Variants in RETREG1 observed in about 807,000 individuals in gnomAD.
RETREG1 encodes reticulophagy regulator 1.
RETREG1 carries 44 observed loss-of-function variants against 54.8 expected under a neutral mutation model. That is an observed-to-expected ratio of 0.80 (90% CI 0.63 to 1.03). RETREG1 has a LOEUF of 1.03. Ranked by LOEUF, RETREG1 falls within the 50% of genes least tolerant of loss-of-function variation. RETREG1 has a pLI of 0.00. For missense variants in RETREG1, 554 were observed against 605.1 expected, an observed-to-expected ratio of 0.92 and a Z score of 0.89; for synonymous variants, 217 against 238.5, an observed-to-expected ratio of 0.91 and a Z score of 0.83.
At chr5:16,495,289 C>G (rs1739408564) in intron 3 of RETREG1, among the ~76,000 whole-genome samples, 1 of 152,108 alleles carries the variant, frequency 6.6e-6, no homozygotes, top group Non-Finnish European at 1.5e-5. Context: ...AAGAAAAGCC[C>G]ATTTTTAGGG....
At chr5:16,520,799 A>C (rs1209725149) in intron 3 of RETREG1, among the ~76,000 whole-genome samples, 1 of 152,182 alleles carries the variant, frequency 6.6e-6, no homozygotes. Flanking sequence ...GTCTGTGAGA[A>C]ACAATTTGCC....
At chr5:16,583,796 C>T (rs1485038587) in intron 1 of RETREG1, among the ~76,000 whole-genome samples, 1 of 152,094 alleles carries the variant, frequency 6.6e-6, no homozygotes, top group Non-Finnish European at 1.5e-5. Context: ...ACAGCTAAAA[C>T]ATATTTTTTT....
Position 16,474,914 on chromosome 5 carries a change from G to T in RETREG1, c.1321C>A (p.Pro441Thr), listed in dbSNP as rs909827415. 1.9e-6 allele frequency: 3 copies of T among 1,613,730 alleles called. No individual in the cohort carries two copies. Among genetic ancestry groups the T allele is most frequent in the Non-Finnish European group, 1.7e-6 (2 of 1,179,886 alleles). The change falls in exon 9 of 9, where the codon CCC (proline) becomes ACC (threonine). Residue 441 changes from proline to threonine, a missense_variant. This residue lies in a region of RETREG1 where 347 missense variants were observed against 412.3 expected (regional missense o/e 0.84). Coordinates refer to ENST00000306320, the MANE Select transcript of RETREG1 (RefSeq NM_001034850.3). ...GVQQALSQAA[P>T]IPEEDTDTEE... ...GTGTCTGTGTCCTCTTCTGGGATGG[G>T]GGCAGCCTGAGAAAGTGCTTGCTGC...
chr5:16,489,082 C>CAAAA lies in RETREG1; in HGVS notation c.459-5614_459-5611dup, dbSNP rs567475517. ...TGGGCAACAGAGCGAGATTCTGTCTCAAAAAAAAAAAAAAAAAAAAAAAAA... is the reference window on the plus strand; with the variant it reads ...TGGGCAACAGAGCGAGATTCTGTCTCAAAAAAAAAAAAAAAAAAAAAAAAAAAAA... On this transcript the variant is annotated intron_variant, in intron 3 of 8. Transcript: ENST00000306320. 6.3e-3 allele frequency among the ~76,000 whole-genome samples: 395 copies of CAAAA among 62,964 alleles called. 29 individuals are homozygous for CAAAA. The highest frequency in any genetic ancestry group is 0.01 in the Non-Finnish European group (353 of 35,298). 41.3% of individuals were successfully genotyped at this position (62,964 alleles called of 152,430 possible).
chr5:16,535,893 G>A (rs1484807527), intron 3 of RETREG1, among the ~76,000 whole-genome samples: 1 of 144,564 alleles, frequency 6.9e-6, no homozygotes, highest in African/African-American at 2.6e-5. Context: ...CTGTGTGCAC[G>A]CTGCCTTCAC....
chr5:16,582,010 C>T (rs988439589), intron 1 of RETREG1, among the ~76,000 whole-genome samples: 14 of 152,066 alleles, frequency 9.2e-5, no homozygotes, highest in East Asian at 5.8e-4. Flanking sequence ...ATCTGAAAAG[C>T]GTATTTCAAA....
intron 3 of RETREG1, among the ~76,000 whole-genome samples, chr5:16,493,606 T>C (rs535703027): frequency 1.3e-5 from 2 of 152,334 alleles, no homozygotes; most frequent in South Asian, 4.1e-4. Flanking sequence ...AGTCTTTTCT[T>C]GCATTCCACT....
intron 3 of RETREG1, among the ~76,000 whole-genome samples, chr5:16,539,257 A>C (rs1741169577): frequency 1.3e-5 from 2 of 152,180 alleles, no homozygotes; most frequent in Admixed American, 1.3e-4. Flanking sequence ...TGGAGGAAAT[A>C]AACAAGTTAT....
Position 16,607,484 on chromosome 5 carries a change from G to T in RETREG1, c.320+9168C>A, listed in dbSNP as rs192524647. On this transcript the variant is annotated intron_variant, in intron 1 of 8. Transcript: ENST00000306320. Reference sequence around the variant, plus strand: ...CAAAAATTAGCTGGGTGTGGTGGCAGGTGCCTGTAATCCCAGCTACTTGGG... The same window carrying T: ...CAAAAATTAGCTGGGTGTGGTGGCATGTGCCTGTAATCCCAGCTACTTGGG... Among the ~76,000 whole-genome samples, 24 of 152,074 alleles carry T rather than the reference G, an allele frequency of 1.6e-4. 1 individual carries two copies. Among genetic ancestry groups the T allele is most frequent in the Admixed American group, 1.2e-3 (19 of 15,274 alleles).
intron 3 of RETREG1, among the ~76,000 whole-genome samples, chr5:16,544,845 C>T (rs1316025813): frequency 6.6e-6 from 1 of 152,130 alleles, no homozygotes; most frequent in Admixed American, 6.5e-5. Context: ...AGCCAATAAG[C>T]AAAATGAGGC....
chr5:16,534,137 A>G (rs1024689797), intron 3 of RETREG1, among the ~76,000 whole-genome samples: 6 of 152,132 alleles, frequency 3.9e-5, no homozygotes, highest in Non-Finnish European at 5.9e-5. Context: ...ACAATTTACA[A>G]TAATGAACAT....
intron 1 of RETREG1, among the ~76,000 whole-genome samples, chr5:16,576,630 C>G (rs1018248694): frequency 6.6e-6 from 1 of 152,208 alleles, no homozygotes; most frequent in Non-Finnish European, 1.5e-5. Flanking sequence ...GGATTACAGG[C>G]ATGTACCAAC....
Position 16,561,567 on chromosome 5 carries a change from C to T in RETREG1, c.458+4196G>A, listed in dbSNP as rs927694185. 3.3e-5 allele frequency among the ~76,000 whole-genome samples: 5 copies of T among 151,936 alleles called. No homozygotes were observed. Among genetic ancestry groups the T allele is most frequent in the Admixed American group, 2.0e-4 (3 of 15,236 alleles). On this transcript the variant is annotated intron_variant, in intron 3 of 8. Transcript: ENST00000306320. This position sits in a 1 kb window ranked among gnomAD's most constrained non-coding sequence, Gnocchi z 4.2. Reference sequence around the variant, plus strand: ...TACAAATAAATGGTATTTCCAGTAGCCTGCCTTCTCTGGGACATGTGAGCA... The same window carrying T: ...TACAAATAAATGGTATTTCCAGTAGTCTGCCTTCTCTGGGACATGTGAGCA...
chr5:16,549,499 C>T (rs1741474284), intron 3 of RETREG1, among the ~76,000 whole-genome samples: 1 of 152,134 alleles, frequency 6.6e-6, no homozygotes, highest in Admixed American at 6.5e-5. Flanking sequence ...TTGGGATAGT[C>T]CTACTTTGAC....
At chr5:16,605,664 G>A (rs1310881980) in intron 1 of RETREG1, among the ~76,000 whole-genome samples, 5 of 152,206 alleles carry the variant, frequency 3.3e-5, no homozygotes, top group African/African-American at 7.2e-5. Flanking sequence ...TGGCTTATGC[G>A]TAACAGAAAT....
rs529282209 is a variant in RETREG1, at chr5:16,585,147, C to T, written c.321-13045G>A. Among the ~76,000 whole-genome samples the T allele has an allele frequency of 6.6e-6, 1 of 152,274 alleles. No individual in the cohort carries two copies. The highest frequency in any genetic ancestry group is 2.4e-5 in the African/African-American group (1 of 41,566). ...AATGGTGGGTAGTAACAATCAGAGT[C>T]TGCTGCAGTGGAGGAGGGGAATAAC... On this transcript the variant is annotated intron_variant, in intron 1 of 8. Coordinates refer to ENST00000306320, the MANE Select transcript of RETREG1 (RefSeq NM_001034850.3). This position sits in a 1 kb window ranked among gnomAD's most constrained non-coding sequence, Gnocchi z 4.5.
Position 16,593,988 on chromosome 5 carries a change from G to A in RETREG1, c.321-21886C>T, listed in dbSNP as rs568307095. On this transcript the variant is annotated intron_variant, in intron 1 of 8. Transcript: ENST00000306320. This position sits in a 1 kb window ranked among gnomAD's most constrained non-coding sequence, Gnocchi z 4.9. ...CAAAGATCATCACTGACATTCTGGG[G>A]ATGGTAGCCCATGATTGGTTCTTTG... 4.6e-5 allele frequency among the ~76,000 whole-genome samples: 7 copies of A among 152,250 alleles called. No individual in the cohort carries two copies. The highest frequency in any genetic ancestry group is 8.8e-5 in the Non-Finnish European group (6 of 68,046).
intron 1 of RETREG1, among the ~76,000 whole-genome samples, chr5:16,603,691 TG>T (rs1371177451): frequency 6.7e-6 from 1 of 149,804 alleles, no homozygotes; most frequent in Non-Finnish European, 1.5e-5. Flanking sequence ...GTGGCAGTAG[TG>T]CTCCTTCAGC....
chr5:16,587,399 T>G (rs536981588), intron 1 of RETREG1, among the ~76,000 whole-genome samples: 48 of 152,338 alleles, frequency 3.2e-4, no homozygotes, highest in South Asian at 6.2e-4. Flanking sequence ...GGAGTCAGAA[T>G]ATAAACTTGG....
Sources: gnomAD v4.1 joint callset for allele counts (sites outside exome capture counted in the v4.1 genomes callset) on GRCh38, gnomAD v4.1.1 for gene constraint, gnomAD v4.1.1 regional missense constraint, Gnocchi (gnomAD v3.1) non-coding constraint, MANE v1.5 for transcripts, NCBI Gene and HGNC (gene_info 2026-07-23, HGNC 2026-07-21) for gene names.